The following CCNH variants were observed in gnomAD, a reference collection of about 807,000 sequenced individuals.
The protein encoded by CCNH is cyclin H.
In CCNH, 31 loss-of-function variants were observed where a neutral mutation model predicts 41.9. The ratio of observed to expected loss-of-function variants is 0.74; its 90% CI spans 0.56 to 1.00. The LOEUF (loss-of-function observed/expected upper bound fraction) is 1.00. CCNH is among the 50% of genes least tolerant of loss of function. The pLI, the probability that CCNH is intolerant of heterozygous loss-of-function variation, is 0.00. For missense variants in CCNH, 362 were observed against 388.4 expected (o/e 0.93, Z 0.57); for synonymous variants, 138 against 136.1 (o/e 1.01, Z -0.10).
intron 9 of CCNH, among the ~76,000 whole-genome samples, chr5:87,338,515 A>T (rs1284958466): frequency 2.0e-5 from 2 of 98,268 alleles, no homozygotes; most frequent in African/African-American, 3.9e-5. Context: ...ATATATATAT[A>T]TATATATATA....
rs115839593 is a variant in CCNH, at chr5:87,358,176, G to A, written c.*90+34594C>T. Among the ~76,000 whole-genome samples, 1,143 of 152,270 alleles carry A rather than the reference G, an allele frequency of 7.5e-3. 19 individuals carry two copies. Among genetic ancestry groups the A allele is most frequent in the African/African-American group, 0.027 (1,105 of 41,556 alleles). ...AGATGCTGGCAAAGGCTAAGAAACA[G>A]CAGAGTCCTAGCTAGCTTTGCTTAC... On this transcript the variant is annotated intron_variant and NMD_transcript_variant, in intron 9 of 9. Transcript: ENST00000645953.
chr5:87,408,329 G>C (rs1763956150), intron 3 of CCNH, 143 bp from the exon 4 acceptor site: 3 of 488,116 alleles, frequency 6.1e-6, no homozygotes, highest in Non-Finnish European at 1.1e-5. Context: ...GCTAGACATT[G>C]CAAGAATTGT....
intron 8 of CCNH, 84 bp downstream of exon 8, chr5:87,394,960 C>G: frequency 6.2e-7 from 1 of 1,601,112 alleles, no homozygotes; most frequent in Non-Finnish European, 8.5e-7. Context: ...TGCCTGTACT[C>G]TTGGAGAATA....
At position 87,339,536 on chromosome 5, in the gene CCNH, A is replaced by G. The variant is rs960523; in HGVS notation, c.*91-20639T>C. Among the ~76,000 whole-genome samples, 1,233 of 152,250 alleles carry G rather than the reference A, an allele frequency of 8.1e-3. 42 individuals are homozygous for G. The highest frequency in any genetic ancestry group is 0.061 in the Admixed American group (928 of 15,282). ...CCTGATTACTTCAAGAAATTGCACT[A>G]TAGTTGAACTTTTCTTGAGCTCTTG... On this transcript the variant is annotated intron_variant and NMD_transcript_variant, in intron 9 of 9. Coordinates refer to the CCNH transcript ENST00000645953.
downstream of CCNH, among the ~76,000 whole-genome samples, chr5:87,315,806 T>C (rs1756286751): frequency 6.6e-6 from 1 of 152,216 alleles, no homozygotes; most frequent in African/African-American, 2.4e-5. Context: ...CTAGGAATTA[T>C]GGTTATTTGT....
chr5:87,380,063 T>C (rs1464950054), upstream of CCNH, among the ~76,000 whole-genome samples: 1 of 152,208 alleles, frequency 6.6e-6, no homozygotes, highest in Admixed American at 6.5e-5. Context: ...GTCTGGTTTG[T>C]ACTGTAGTAG....
chr5:87,412,627 T>G (rs560290066), intron 1 of CCNH, 51 bp downstream of exon 1: 1 of 1,602,844 alleles, frequency 6.2e-7, no homozygotes, highest in African/African-American at 1.3e-5. Context: ...CTCCCGCAGC[T>G]GCTCAGAATT....
upstream of CCNH, chr5:87,380,542 A>T: frequency 1.2e-6 from 2 of 1,613,424 alleles, no homozygotes; most frequent in Non-Finnish European, 1.7e-6. Context: ...GTTTACAGAA[A>T]TCTGTTCAGC....
At chr5:87,348,948 C>G (rs907463347) in intron 9 of CCNH, among the ~76,000 whole-genome samples, 3 of 151,672 alleles carry the variant, frequency 2.0e-5, no homozygotes, top group Non-Finnish European at 4.4e-5. Context: ...TATTACTGAC[C>G]AGAAGTTACT....
At chr5:87,402,998 T>C (rs565724990) in intron 5 of CCNH, among the ~76,000 whole-genome samples, 6 of 152,106 alleles carry the variant, frequency 3.9e-5, no homozygotes, top group Non-Finnish European at 8.8e-5. Flanking sequence ...ATACCTAAAG[T>C]AGCAGATGAA....
In CCNH at chr5:87,341,082, G is replaced by A. The variant is rs370659834; in HGVS notation, c.*91-22185C>T. ...GTTGGGCTGTTGTTTAAGAAAAGTC[G>A]ATAAGAGGGCCTGAGTTAGGGTAAT... is the stretch of plus-strand genomic sequence containing the variant. On this transcript the variant is annotated intron_variant and NMD_transcript_variant, in intron 9 of 9. Transcript: ENST00000645953. Among the ~76,000 whole-genome samples the A allele has an allele frequency of 5.9e-5, 9 of 151,930 alleles. No individual in the cohort carries two copies. The East Asian group carries it at 1.2e-3, about 20-fold the overall frequency.
At chr5:87,381,804 T>C (rs1040091319), upstream of CCNH, among the ~76,000 whole-genome samples, 15 of 152,184 alleles carry the variant, frequency 9.9e-5, no homozygotes, top group African/African-American at 2.9e-4. Context: ...CAGCAGGAAA[T>C]TGTAAACTGT....
upstream of CCNH, chr5:87,378,483 A>G (rs758671810): frequency 1.2e-6 from 2 of 1,612,500 alleles, no homozygotes; most frequent in African/African-American, 1.3e-5. Flanking sequence ...CAGTTTGTTC[A>G]TCATGCTTTG....
downstream of CCNH, chr5:87,390,929 G>A (rs1435122478): frequency 6.5e-7 from 1 of 1,533,018 alleles, no homozygotes; most frequent in Admixed American, 1.7e-5. Flanking sequence ...TGTCCAACAT[G>A]GTAATTCACT....
Position 87,320,262 on chromosome 5 carries a change from A to G in CCNH, c.*91-1365T>C, listed in dbSNP as rs561726530. Among the ~76,000 whole-genome samples, 14 of 152,238 alleles carry G rather than the reference A, an allele frequency of 9.2e-5. No homozygotes were observed. The Middle Eastern group carries it at 0.014, about 148-fold the overall frequency. On this transcript the variant is annotated intron_variant and NMD_transcript_variant, in intron 9 of 9. Transcript: ENST00000645953. ...CTTCTGTCTTCTTCTGATCTCTCCA[A>G]ACTGTTCCAGCCTCTGCCTATTACC...
rs771696988 is a variant in CCNH at position 87,411,239 on chromosome 5, C to A, written c.225G>T (p.Met75Ile). 1 of 1,611,670 alleles carries A rather than the reference C, an allele frequency of 6.2e-7. No homozygotes were observed. The highest frequency in any genetic ancestry group is 8.5e-7 in the Non-Finnish European group (1 of 1,178,974). Residue 75 changes from methionine to isoleucine, a missense_variant, in exon 2 of 9, where the codon ATG (methionine) becomes ATT (isoleucine). Coordinates refer to ENST00000256897, the MANE Select transcript of CCNH (RefSeq NM_001239.4). ...TGTAACTTACCACAACAGATCTTGG[C>A]ATTGCTGGCTTAAACACCGAACAGA... The part of the protein sequence containing the change: ...LEFCSVFKPA[M>I]PRSVVGTACM...
chr5:87,406,880 A>G (rs1763831950), intron 4 of CCNH, among the ~76,000 whole-genome samples: 1 of 152,156 alleles, frequency 6.6e-6, no homozygotes, highest in African/African-American at 2.4e-5. Context: ...TACCTGATCC[A>G]TAAGGTTGCC....
rs575614045 is a variant in CCNH at position 87,399,402 on chromosome 5, G to A, written c.864C>T (p.Asn288=). The A allele has an allele frequency of 1.7e-4, 273 of 1,607,468 alleles. 2 individuals are homozygous for A. The South Asian group carries it at 2.4e-3, about 14-fold the overall frequency. ...CTGTCACATTAACTTACGTGATTAC[G>A]TTAAGTGCAAGCTCAGCAGAATGAC... ...ERCHSAELAL[N]VITKKRKGYE... The change falls in exon 7 of 9, where the codon AAC becomes AAT. Residue 288 remains asparagine (N), a synonymous_variant. Coordinates refer to ENST00000256897, the MANE Select transcript of CCNH (RefSeq NM_001239.4).
Position 87,326,768 on chromosome 5 carries a change from T to G in CCNH, c.*91-7871A>C, listed in dbSNP as rs1341300973. ...TGCCAGGTGAAATAGAATTTCTAGT[T>G]TATTAATAGTATGGCACTTGCAGCC... On this transcript the variant is annotated intron_variant and NMD_transcript_variant, in intron 9 of 9. Transcript: ENST00000645953. Among the ~76,000 whole-genome samples the G allele has an allele frequency of 2.6e-5, 4 of 152,168 alleles. No homozygotes were observed. In the East Asian group the frequency reaches 5.8e-4, roughly 22 times the overall value.
Sources: allele counts gnomAD v4.1 joint callset (sites outside exome capture counted in the v4.1 genomes callset), GRCh38; gene constraint gnomAD v4.1.1; transcripts MANE v1.5; gene names NCBI Gene and HGNC (gene_info 2026-07-23, HGNC 2026-07-21).